FBXO40: variants seen among roughly 807,000 people sequenced by gnomAD.
FBXO40 encodes F-box protein 40, also known as F-box only protein 40.
FBXO40 carries 50 observed loss-of-function variants against 49.9 expected under a neutral mutation model. The ratio of observed to expected loss-of-function variants is 1.00; its 90% CI spans 0.80 to 1.27. The LOEUF is 1.27. FBXO40 is among the 50% of genes most tolerant of loss of function. The pLI is 0.00. For missense variants in FBXO40, 895 were observed against 870.1 expected, an observed-to-expected ratio of 1.03 and a Z score of -0.36; for synonymous variants, 340 against 320.2, an observed-to-expected ratio of 1.06 and a Z score of -0.66.
intron 1 of FBXO40, among the ~76,000 whole-genome samples, chr3:121,599,543 G>A (rs991206123): frequency 6.7e-6 from 1 of 149,742 alleles, no homozygotes; most frequent in Non-Finnish European, 1.5e-5. Context: ...GCCATACTCT[G>A]TCTCAGGCAT....
In FBXO40 at chr3:121,622,528, A is replaced by G; in HGVS notation, c.1099A>G (p.Met367Val). Residue 367 changes from methionine to valine, a missense_variant, in exon 3 of 4, where the codon ATG becomes GTG. Transcript: ENST00000338040. ...AAAGCGAGCTCGACTTGGAGATGCCATGTTGAGTTGTAAGCCAAGTGAACA... is the reference window on the plus strand; with the variant it reads ...AAAGCGAGCTCGACTTGGAGATGCCGTGTTGAGTTGTAAGCCAAGTGAACA... ...CGKRARLGDAMLSCKPSEHKA... is the reference protein window; with the variant it reads ...CGKRARLGDAVLSCKPSEHKA... The G allele has an allele frequency of 6.2e-7, 1 of 1,614,224 alleles. No individual in the cohort carries two copies. The highest frequency in any genetic ancestry group is 8.5e-7 in the Non-Finnish European group (1 of 1,180,046).
rs997067161 is a variant in FBXO40 at position 121,621,919 on chromosome 3, A to G, written c.490A>G (p.Thr164Ala). Residue 164 changes from threonine to alanine, a missense_variant, in exon 3 of 4, where the codon ACC becomes GCC. By Grantham distance (58) the Thr-to-Ala change is moderately conservative (BLOSUM62 0). Coordinates refer to ENST00000338040, the MANE Select transcript of FBXO40 (RefSeq NM_016298.4). The part of the protein sequence containing the change: ...TEEEPTMNGE[T>A]SVEEMGGAVG... ...GGAGGAACCAACTATGAATGGTGAA[A>G]CCAGTGTGGAGGAAATGGGAGGAGC... The G allele has an allele frequency of 5.0e-6, 8 of 1,614,192 alleles. No individual in the cohort carries two copies. Among genetic ancestry groups the G allele is most frequent in the Non-Finnish European group, 6.8e-6 (8 of 1,180,018 alleles).
intron 1 of FBXO40, among the ~76,000 whole-genome samples, chr3:121,611,992 C>T (rs1334235744): frequency 6.6e-6 from 1 of 152,220 alleles, no homozygotes; most frequent in African/African-American, 2.4e-5. Context: ...TTAACAACAT[C>T]TCAGCAAAGC....
chr3:121,610,188 C>T (rs183584420), intron 1 of FBXO40, among the ~76,000 whole-genome samples: 158 of 152,318 alleles, frequency 1.0e-3, no homozygotes, highest in Non-Finnish European at 1.7e-3. Context: ...CTTCCTCTGG[C>T]AGGGCTTGGG....
At chr3:121,618,445 G>GGCGT (rs1192404897) in intron 1 of FBXO40, among the ~76,000 whole-genome samples, 4 of 140,822 alleles carry the variant, frequency 2.8e-5, no homozygotes, top group Admixed American at 7.6e-5. Flanking sequence ...GGAGCGCAGT[G>GGCGT]GCGTGATCTC....
chr3:121,609,051 C>T (rs144615467), intron 1 of FBXO40, among the ~76,000 whole-genome samples: 2 of 151,986 alleles, frequency 1.3e-5, no homozygotes, highest in East Asian at 1.9e-4. Flanking sequence ...ATCCAGGCAC[C>T]CATAAATGGC....
intron 1 of FBXO40, among the ~76,000 whole-genome samples, chr3:121,599,239 G>A (rs552787528): frequency 1.3e-5 from 2 of 152,196 alleles, no homozygotes; most frequent in East Asian, 3.9e-4. Context: ...AGGCCGAGGT[G>A]GGCGGATCAC....
In FBXO40 at chr3:121,628,866, TG is replaced by T. The variant is rs2049077731; in HGVS notation, c.*1958del. On this transcript the variant is annotated 3_prime_UTR_variant, in exon 4 of 4. Transcript: ENST00000338040. ...AAGAATGTATCCTTTCAGCTCTCTT[TG>T]GTTATACCTGAAGCCAGGAGCGTTG... is the stretch of plus-strand genomic sequence containing the variant. 6.6e-6 allele frequency: 1 copy of T among 152,214 alleles called. No homozygotes were observed. The highest frequency in any genetic ancestry group is 2.4e-5 in the African/African-American group (1 of 41,454). 9.4% of individuals were successfully genotyped at this position (152,214 alleles called of 1,614,324 possible).
chr3:121,606,944 C>A (rs575276382), intron 1 of FBXO40, among the ~76,000 whole-genome samples: 1 of 152,226 alleles, frequency 6.6e-6, no homozygotes, highest in Non-Finnish European at 1.5e-5. Context: ...TCAGGTAATC[C>A]AAACTGAGGA....
intron 1 of FBXO40, 109 bp from the exon 2 acceptor site, chr3:121,620,437 T>C (rs1456811266): frequency 7.2e-6 from 7 of 975,706 alleles, no homozygotes; most frequent in Non-Finnish European, 1.1e-5. Flanking sequence ...ACCTCCAGGA[T>C]GGTGGAAGGA....
chr3:121,609,394 CA>C (rs1266574822), intron 1 of FBXO40, among the ~76,000 whole-genome samples: 1 of 150,296 alleles, frequency 6.7e-6, no homozygotes, highest in Non-Finnish European at 1.5e-5. Flanking sequence ...ATGAGCAAAT[CA>C]TCTACATACT....
chr3:121,599,674 GCACACACACACACACACA>G (rs757324448), intron 1 of FBXO40, among the ~76,000 whole-genome samples: 1 of 99,566 alleles, frequency 1.0e-5, no homozygotes, highest in Non-Finnish European at 1.9e-5. Context: ...ACACACACAT[GCACACACACACACACACA>G]CACACACACA....
chr3:121,618,049 T>A (rs2049007922), intron 1 of FBXO40, among the ~76,000 whole-genome samples: 2 of 152,082 alleles, frequency 1.3e-5, no homozygotes, highest in Admixed American at 6.6e-5. Context: ...AAGAAAAGTG[T>A]TTGAGGTGAT....
Position 121,596,322 on chromosome 3 carries a change from C to T in FBXO40, c.-31+2820C>T, listed in dbSNP as rs992308620. Among the ~76,000 whole-genome samples the T allele has an allele frequency of 6.6e-5, 10 of 152,180 alleles. No homozygotes were observed. The South Asian group carries it at 8.3e-4, about 13-fold the overall frequency. ...ATCAAAGCACAATAGAAAAAAAGCA[C>T]GTGACTAGAGCCAGAGACTCTGGGA... On this transcript the variant is annotated intron_variant, in intron 1 of 3. Transcript: ENST00000338040.
At chr3:121,606,319 T>C (rs781754081) in intron 1 of FBXO40, among the ~76,000 whole-genome samples, 5 of 152,184 alleles carry the variant, frequency 3.3e-5, no homozygotes, top group Non-Finnish European at 5.9e-5. Context: ...AGACTGGGCG[T>C]CGGTAGCTTG....
chr3:121,621,388 C>T (rs767757482), intron 2 of FBXO40, 45 bp from the exon 3 acceptor site: 10 of 1,529,500 alleles, frequency 6.5e-6, no homozygotes, highest in African/African-American at 1.4e-5. Context: ...AGAGCTTCTC[C>T]TCAGTATTCA....
intron 1 of FBXO40, among the ~76,000 whole-genome samples, chr3:121,594,168 C>T (rs180863579): frequency 6.6e-6 from 1 of 150,772 alleles, no homozygotes; most frequent in East Asian, 2.0e-4. Flanking sequence ...GTGCCTGGCC[C>T]AGAATTTCTA....
Position 121,622,834 on chromosome 3 carries a change from A to T in FBXO40, c.1405A>T (p.Asn469Tyr). Reference sequence around the variant, plus strand: ...CAGCGAGTGTGTGACCAGGAGACACAACAAAAGCAGCTCTGCCTTCACTTT... The same window carrying T: ...CAGCGAGTGTGTGACCAGGAGACACTACAAAAGCAGCTCTGCCTTCACTTT... The part of the protein sequence containing the change: ...LHSECVTRRH[N>Y]KSSSAFTFTC... Residue 469 changes from asparagine (N) to tyrosine (Y), a missense_variant, in exon 3 of 4, where the codon AAC (asparagine) becomes TAC (tyrosine). Asn to Tyr is a moderately radical substitution (Grantham distance 143). Transcript: ENST00000338040. 2 of 1,614,198 alleles carry T rather than the reference A, an allele frequency of 1.2e-6. No individual in the cohort carries two copies. The highest frequency in any genetic ancestry group is 1.7e-6 in the Non-Finnish European group (2 of 1,180,024).
intron 1 of FBXO40, among the ~76,000 whole-genome samples, chr3:121,614,555 C>T (rs541537338): frequency 1.2e-4 from 18 of 152,280 alleles, no homozygotes; most frequent in African/African-American, 4.3e-4. Flanking sequence ...AAGCAGGACG[C>T]TCAGGCCAGC....
Sources: gnomAD v4.1 joint callset for allele counts (sites outside exome capture counted in the v4.1 genomes callset) on GRCh38, gnomAD v4.1.1 for gene constraint, MANE v1.5 for transcripts, NCBI Gene and HGNC (gene_info 2026-07-23, HGNC 2026-07-21) for gene names.